ROBO2: variants seen among roughly 807,000 people sequenced by gnomAD.
ROBO2 encodes roundabout guidance receptor 2.
ROBO2 carries 53 observed loss-of-function variants against 160.8 expected under a neutral mutation model. The ratio of observed to expected loss-of-function variants is 0.33; its 90% confidence interval spans 0.26 to 0.41. ROBO2 has a LOEUF of 0.41. ROBO2 is among the 10% of genes least tolerant of loss of function. The pLI is 1.00. For missense variants in ROBO2, 1,577 were observed against 1,722.4 expected (o/e 0.92, Z 1.49); for synonymous variants, 664 against 611.7 (o/e 1.09, Z -1.26).
At chr3:76,709,493 C>T (rs1026623038) in intron 2 of ROBO2, among the ~76,000 whole-genome samples, 8 of 152,132 alleles carry the variant, frequency 5.3e-5, no homozygotes, top group South Asian at 2.1e-4. Context: ...TGTATCTCAC[C>T]GGCCAGAACT....
chr3:75,981,840 G>A (rs2065285929), intron 2 of ROBO2, among the ~76,000 whole-genome samples: 1 of 151,328 alleles, frequency 6.6e-6, no homozygotes, highest in African/African-American at 2.4e-5. Context: ...TCACCCTATT[G>A]TGCTATCAAG....
chr3:76,445,738 C>G (rs368199059), intron 2 of ROBO2, among the ~76,000 whole-genome samples: 1 of 152,006 alleles, frequency 6.6e-6, no homozygotes, highest in African/African-American at 2.4e-5. Flanking sequence ...GTTCAACATA[C>G]GAAAATCAAT....
chr3:76,687,154 T>A (rs1201250952), intron 2 of ROBO2, among the ~76,000 whole-genome samples: 1 of 152,122 alleles, frequency 6.6e-6, no homozygotes, highest in East Asian at 1.9e-4. Context: ...AACTGCTGCA[T>A]GAATAAGTGC....
intron 2 of ROBO2, among the ~76,000 whole-genome samples, chr3:76,298,364 C>T (rs1047459800): frequency 6.6e-6 from 1 of 151,992 alleles, no homozygotes; most frequent in Non-Finnish European, 1.5e-5. Flanking sequence ...CCAAGAAATT[C>T]GAGGTTCCAA....
chr3:76,228,087 T>A (rs545712023), intron 2 of ROBO2, among the ~76,000 whole-genome samples: 1 of 152,174 alleles, frequency 6.6e-6, no homozygotes, highest in South Asian at 2.1e-4. Flanking sequence ...TACCCTAATT[T>A]GAAATAAAAA....
chr3:75,951,181 G>A (rs575447767), intron 2 of ROBO2, among the ~76,000 whole-genome samples: 84 of 152,078 alleles, frequency 5.5e-4, no homozygotes, highest in Non-Finnish European at 8.5e-4. Context: ...AACATCACAT[G>A]TGACCATAAA....
intron 2 of ROBO2, among the ~76,000 whole-genome samples, chr3:76,173,066 G>A (rs550662833): frequency 1.3e-4 from 19 of 151,978 alleles, no homozygotes; most frequent in African/African-American, 4.1e-4. Context: ...ACCACATGGC[G>A]TAAGGTGATG....
At chr3:77,348,537 A>G (rs959563991) in intron 2 of ROBO2, among the ~76,000 whole-genome samples, 5 of 152,082 alleles carry the variant, frequency 3.3e-5, no homozygotes, top group African/African-American at 1.2e-4. Flanking sequence ...ACTTAGAATG[A>G]CTAACTGTAT....
At chr3:76,612,073 T>C (rs530646833) in intron 2 of ROBO2, among the ~76,000 whole-genome samples, 1 of 152,244 alleles carries the variant, frequency 6.6e-6, no homozygotes, top group Non-Finnish European at 1.5e-5. Context: ...ACAAAGTTTC[T>C]CTAGTCACTA....
chr3:76,897,925 G>C (rs1003911142), intron 2 of ROBO2, among the ~76,000 whole-genome samples: 2 of 152,006 alleles, frequency 1.3e-5, no homozygotes, highest in Non-Finnish European at 2.9e-5. Context: ...CTGATTTGTT[G>C]TTTGTAGAAT....
At chr3:77,043,187 C>T (rs1353297114) in intron 1 of ROBO2, among the ~76,000 whole-genome samples, 3 of 152,132 alleles carry the variant, frequency 2.0e-5, no homozygotes, top group Admixed American at 6.5e-5. Context: ...TGTAGGTTCT[C>T]TAAGCTTTGT....
At chr3:77,604,654 G>A (rs2094492453) in intron 20 of ROBO2, among the ~76,000 whole-genome samples, 1 of 152,068 alleles carries the variant, frequency 6.6e-6, no homozygotes, top group African/African-American at 2.4e-5. Context: ...GTAGGTGAGA[G>A]TGATTATTCT....
chr3:77,132,072 T>C (rs2075898172), intron 2 of ROBO2, among the ~76,000 whole-genome samples: 1 of 152,050 alleles, frequency 6.6e-6, no homozygotes, highest in African/African-American at 2.4e-5. Flanking sequence ...TCCTTTAGAA[T>C]AGGACCTAAT....
chr3:75,983,322 A>G (rs531621426), intron 2 of ROBO2, among the ~76,000 whole-genome samples: 32 of 151,588 alleles, frequency 2.1e-4, no homozygotes, highest in Middle Eastern at 3.4e-3. Flanking sequence ...AATTTTTACT[A>G]GTTGGCAGTG....
intron 2 of ROBO2, among the ~76,000 whole-genome samples, chr3:76,605,378 C>T (rs1242067141): frequency 7.3e-6 from 1 of 136,178 alleles, no homozygotes; most frequent in Non-Finnish European, 1.7e-5. Flanking sequence ...GCTTCTCCAA[C>T]TGTATTTTAA....
chr3:77,538,831 G>T, intron 6 of ROBO2: 1 of 484,478 alleles, frequency 2.1e-6, no homozygotes, highest in Admixed American at 2.2e-5. Flanking sequence ...GTCTATAATT[G>T]CATTGCAAAG....
intron 2 of ROBO2, among the ~76,000 whole-genome samples, chr3:76,631,584 C>T (rs898006735): frequency 6.6e-5 from 10 of 152,034 alleles, no homozygotes; most frequent in Non-Finnish European, 1.0e-4. Context: ...AACATAAGAT[C>T]GTAAGCCTGG....
At chr3:76,555,432 G>GAAGAAGAAGAAGAAGAAGAAGAAA (rs1560141931) in intron 2 of ROBO2, among the ~76,000 whole-genome samples, 1 of 91,614 alleles carries the variant, frequency 1.1e-5, no homozygotes, top group Admixed American at 1.4e-4. Context: ...AAGGAGAAGG[G>GAAGAAGAAGAAGAAGAAGAAGAAA]GAAGGGGAAG....
At position 76,393,088 on chromosome 3, in the gene ROBO2, T is replaced by C. The variant is rs547517065; in HGVS notation, c.109+455486T>C. On this transcript the variant is annotated intron_variant, in intron 2 of 26. Coordinates refer to the ROBO2 transcript ENST00000487694. ...CAAACAGGTGACAGCTATTGTTCTA[T>C]ACTAACAGTAAAATCCAGTGTTTCC... Among the ~76,000 whole-genome samples, 7 of 152,324 alleles carry C rather than the reference T, an allele frequency of 4.6e-5. No homozygotes were observed. In the South Asian group the frequency reaches 1.2e-3, roughly 27 times the overall value.
Sources: allele counts gnomAD v4.1 joint callset (sites outside exome capture counted in the v4.1 genomes callset), GRCh38; gene constraint gnomAD v4.1.1; transcripts MANE v1.5; gene names NCBI Gene and HGNC (gene_info 2026-07-23, HGNC 2026-07-21).